ZFP28: variants seen among roughly 807,000 people sequenced by gnomAD.
ZFP28 encodes ZFP28 zinc finger protein.
ZFP28 carries 31 observed loss-of-function variants against 39.5 expected under a neutral mutation model. That is an observed-to-expected ratio of 0.79 (90% CI 0.59 to 1.06). The LOEUF (loss-of-function observed/expected upper bound fraction) is 1.06, where lower values mean the gene tolerates loss of function less well. ZFP28 is among the 50% of genes least tolerant of loss of function. The pLI, the probability that ZFP28 is intolerant of heterozygous loss-of-function variation, is 0.00. For missense variants in ZFP28, 925 were observed against 1,048.4 expected, an observed-to-expected ratio of 0.88 and a Z score of 1.63; for synonymous variants, 400 against 378.6, an observed-to-expected ratio of 1.06 and a Z score of -0.66.
At chr19:56,543,340 TTATA>T (rs1600540504) in intron 2 of ZFP28, among the ~76,000 whole-genome samples, 1 of 147,134 alleles carries the variant, frequency 6.8e-6, no homozygotes, top group East Asian at 2.0e-4. Context: ...ATAGAATATA[TTATA>T]TATGTATATT....
At chr19:56,540,511 C>T (rs542620549) in intron 2 of ZFP28, among the ~76,000 whole-genome samples, 11 of 152,332 alleles carry the variant, frequency 7.2e-5, no homozygotes, top group Admixed American at 5.2e-4. Flanking sequence ...GAACCAGCTT[C>T]CAGTTGTCCT....
upstream of ZFP28, among the ~76,000 whole-genome samples, chr19:56,538,790 G>A (rs1243896045): frequency 2.4e-4 from 7 of 28,846 alleles, no homozygotes; most frequent in African/African-American, 5.1e-4. Context: ...GGCGGGGCGG[G>A]GCGGGGCGGG....
At chr19:56,542,490 T>A (rs963701115) in intron 2 of ZFP28, among the ~76,000 whole-genome samples, 1 of 152,158 alleles carries the variant, frequency 6.6e-6, no homozygotes, top group African/African-American at 2.4e-5. Context: ...GTTGAAAAAA[T>A]TTGCATATAG....
At position 56,555,957 on chromosome 19, in the gene ZFP28, T is replaced by C. The variant is rs1190574967; in HGVS notation, c.*565T>C. 1 of 152,264 alleles carries C rather than the reference T, an allele frequency of 6.6e-6. No homozygotes were observed. The highest frequency in any genetic ancestry group is 1.5e-5 in the Non-Finnish European group (1 of 68,074). The allele number at this position is 152,264 out of a possible 1,614,324, so 9.4% of individuals were successfully genotyped here. On this transcript the variant is annotated 3_prime_UTR_variant, in exon 8 of 8. Transcript: ENST00000301318. ...TTTAAAAAATCAGAAAAATGCAAGA[T>C]TTATATGCATGAAGTTAAAACAACT...
chr19:56,540,938 G>A (rs1261929862), intron 2 of ZFP28, among the ~76,000 whole-genome samples: 1 of 152,024 alleles, frequency 6.6e-6, no homozygotes, highest in Non-Finnish European at 1.5e-5. Flanking sequence ...CTTGAACAGA[G>A]TGTGCCTCAG....
At chr19:56,541,214 C>T (rs1424061249) in intron 2 of ZFP28, among the ~76,000 whole-genome samples, 1 of 152,224 alleles carries the variant, frequency 6.6e-6, no homozygotes, top group Admixed American at 6.5e-5. Flanking sequence ...GAGTCTTAGT[C>T]AGTGGCCGTT....
In ZFP28 at chr19:56,539,014, G is replaced by T. The variant is rs1489811133; in HGVS notation, c.-5G>T. 7.1e-7 allele frequency: 1 copy of T among 1,415,340 alleles called. No homozygotes were observed. Among genetic ancestry groups the T allele is most frequent in the Non-Finnish European group, 9.2e-7 (1 of 1,091,610 alleles). 87.7% of individuals were successfully genotyped at this position (1,415,340 alleles called of 1,614,324 possible). A position where few individuals can be genotyped will look rare whatever the true frequency, so the allele number is the denominator to read the frequency against. ...TCGGAAGGGCGTCGCGCGGCCTCGGGTGACATGCGGGGGGCGGCGAGCGCG... is the reference window on the plus strand; with the variant it reads ...TCGGAAGGGCGTCGCGCGGCCTCGGTTGACATGCGGGGGGCGGCGAGCGCG... On this transcript the variant is annotated 5_prime_UTR_variant, in exon 1 of 8. Transcript: ENST00000301318.
rs2044251536 is a variant in ZFP28 at position 56,547,413 on chromosome 19, GT to G, written c.301-91del. On this transcript the variant is annotated intron_variant, in intron 2 of 7. Transcript: ENST00000301318. This position sits in a 1 kb window ranked among gnomAD's most constrained non-coding sequence, Gnocchi z 4.6. Reference sequence around the variant, plus strand: ...TGGGGATTAGGAGTTTAATGTAGGAGTTTTGTCAGGGGACACATTTCTTTCT... The same window carrying G: ...TGGGGATTAGGAGTTTAATGTAGGAGTTTGTCAGGGGACACATTTCTTTCT... 6.3e-7 allele frequency: 1 copy of G among 1,578,514 alleles called. No homozygotes were observed. The highest frequency in any genetic ancestry group is 8.7e-7 in the Non-Finnish European group (1 of 1,155,670).
chr19:56,551,187 A>G lies in ZFP28; in HGVS notation c.898+582A>G, dbSNP rs2044298856. 9 of 988,272 alleles carry G rather than the reference A, an allele frequency of 9.1e-6. No individual in the cohort carries two copies. The South Asian group carries it at 4.2e-4, about 46-fold the overall frequency. 61.2% of individuals were successfully genotyped at this position (988,272 alleles called of 1,614,324 possible). A position where few individuals can be genotyped will look rare whatever the true frequency, so the allele number is the denominator to read the frequency against. ...TTGTTCCCAGTGGTGTCTATGTTTT[A>G]GTAGGACAGGTGGGTAGAAGTTGAA... On this transcript the variant is annotated intron_variant, in intron 7 of 7. Coordinates refer to ENST00000301318, the MANE Select transcript of ZFP28 (RefSeq NM_020828.2).
chr19:56,542,343 G>A (rs1377274393), intron 2 of ZFP28, among the ~76,000 whole-genome samples: 1 of 151,576 alleles, frequency 6.6e-6, no homozygotes, highest in Non-Finnish European at 1.5e-5. Context: ...TTGTAGAGAT[G>A]GGGTTTTGCC....
Position 56,555,316 on chromosome 19 carries a change from C to G in ZFP28, c.2531C>G (p.Ser844Cys). The G allele has an allele frequency of 6.2e-7, 1 of 1,614,124 alleles. No homozygotes were observed. The highest frequency in any genetic ancestry group is 8.5e-7 in the Non-Finnish European group (1 of 1,180,024). The change falls in exon 8 of 8, where the codon TCT (serine) becomes TGT (cysteine). Residue 844 changes from serine to cysteine, a missense_variant. By Grantham distance (112) the Ser-to-Cys change is moderately radical. Transcript: ENST00000301318. The stretch of plus-strand genomic sequence containing the variant: ...ACTGGAGAGTCGTCAACATGCCCCT[C>G]TTTACCTTCCACGTCAAATCCTGTG... The part of the protein sequence containing the change: ...IHTGESSTCP[S>C]LPSTSNPVDL...
chr19:56,552,847 C>A (rs184892539), intron 7 of ZFP28: 1 of 152,188 alleles, frequency 6.6e-6, no homozygotes, highest in East Asian at 1.9e-4. Flanking sequence ...CTTTCCTTCT[C>A]ATTTTTCCCT....
chr19:56,538,627 G>C (rs1408128553), upstream of ZFP28: 1 of 151,954 alleles, frequency 6.6e-6, no homozygotes, highest in Non-Finnish European at 1.5e-5. Context: ...ACCGTATCTT[G>C]CAACCTGAGC....
chr19:56,551,805 G>T, intron 7 of ZFP28: 2 of 984,036 alleles, frequency 2.0e-6, no homozygotes, highest in Non-Finnish European at 2.4e-6. Context: ...TAAAATGTCT[G>T]TCATTTGTAC....
At chr19:56,553,623 G>T in intron 7 of ZFP28, 61 bp from the exon 8 acceptor site, 1 of 1,516,666 alleles carries the variant, frequency 6.6e-7, no homozygotes, top group South Asian at 1.4e-5. Context: ...TTTTCCTTTT[G>T]GCAGATTCCT....
intron 2 of ZFP28, among the ~76,000 whole-genome samples, chr19:56,543,259 T>C (rs2044211115): frequency 6.7e-6 from 1 of 150,114 alleles, no homozygotes; most frequent in East Asian, 1.9e-4. Context: ...AAGTATAAAG[T>C]TGCTTTTATT....
In ZFP28 at chr19:56,548,939, CCTT is replaced by C. The variant is rs1394354114; in HGVS notation, c.524-15_524-13del. 8 of 1,591,476 alleles carry C rather than the reference CCTT, an allele frequency of 5.0e-6. No homozygotes were observed. The highest frequency in any genetic ancestry group is 6.8e-6 in the Non-Finnish European group (8 of 1,172,016). ...TAACACATGATAAAAGATAAATTTA[CCTT>C]CTTTACGTCTTTCAGACTTGAAGGC... On this transcript the variant is annotated splice_polypyrimidine_tract_variant and intron_variant, in intron 4 of 7. Transcript: ENST00000301318.
At position 56,555,006 on chromosome 19, in the gene ZFP28, A is replaced by C. The variant is rs1351497699; in HGVS notation, c.2221A>C (p.Lys741Gln). 1.9e-6 allele frequency: 3 copies of C among 1,614,134 alleles called. No individual in the cohort carries two copies. The East Asian group carries it at 6.7e-5, about 36-fold the overall frequency. Residue 741 changes from lysine (K) to glutamine (Q), a missense_variant, in exon 8 of 8, where the codon AAA (lysine) becomes CAA (glutamine). Lys to Gln is a moderately conservative substitution (Grantham distance 53). This residue lies in a region of ZFP28 where 369 missense variants were observed against 505.5 expected (regional missense o/e 0.73). Coordinates refer to ENST00000301318, the MANE Select transcript of ZFP28 (RefSeq NM_020828.2). ...TGAGTGTGGAAAGGCATTCAAGACA[A>C]AATCCTCCCTTATTTGTCATCGCAG... is the stretch of plus-strand genomic sequence containing the variant. ...CIECGKAFKT[K>Q]SSLICHRRSH...
At chr19:56,548,011 ATC>A (rs2044259169) in intron 4 of ZFP28, 109 bp downstream of exon 4, 2 of 988,916 alleles carry the variant, frequency 2.0e-6, no homozygotes, top group Non-Finnish European at 2.9e-6. Flanking sequence ...GCTTAGGAAT[ATC>A]TGTTATTTTT....
Sources: gnomAD v4.1 joint callset for allele counts (sites outside exome capture counted in the v4.1 genomes callset) on GRCh38, gnomAD v4.1.1 for gene constraint, gnomAD v4.1.1 regional missense constraint, Gnocchi (gnomAD v3.1) non-coding constraint, MANE v1.5 for transcripts, NCBI Gene and HGNC (gene_info 2026-07-23, HGNC 2026-07-21) for gene names.